Variants in CDKN2AIPNL observed in about 807,000 individuals in gnomAD.
The protein encoded by CDKN2AIPNL is XRN2 binding domain containing 1, also known as CDKN2AIP N-terminal-like protein.
CDKN2AIPNL carries 9 observed loss-of-function variants against 12.9 expected under a neutral mutation model. The ratio of observed to expected loss-of-function variants is 0.70; its 90% CI spans 0.42 to 1.22. The LOEUF is 1.22. Ranked by LOEUF, CDKN2AIPNL falls within the 50% of genes most tolerant of loss-of-function variation. The probability of loss-of-function intolerance (pLI) is 0.00; values close to 1 mark genes in which losing one functional copy is unlikely to be tolerated. For missense variants in CDKN2AIPNL, 143 were observed against 153.6 expected (o/e 0.93, Z 0.37); for synonymous variants, 53 against 61.7 (o/e 0.86, Z 0.66).
At chr5:134,404,455 C>G (rs1759071513) in intron 2 of CDKN2AIPNL, among the ~76,000 whole-genome samples, 1 of 152,130 alleles carries the variant, frequency 6.6e-6, no homozygotes, top group African/African-American at 2.4e-5. Context: ...TCTCGAGTAG[C>G]TGGGACCACA....
intron 2 of CDKN2AIPNL, among the ~76,000 whole-genome samples, chr5:134,405,291 G>A (rs1053664999): frequency 2.7e-5 from 4 of 149,722 alleles, no homozygotes; most frequent in South Asian, 2.1e-4. Flanking sequence ...ATTTTTAGTA[G>A]AGACGGGGTT....
At chr5:134,406,838 C>G (rs1759111993) in intron 2 of CDKN2AIPNL, among the ~76,000 whole-genome samples, 2 of 152,212 alleles carry the variant, frequency 1.3e-5, no homozygotes, top group South Asian at 4.1e-4. Context: ...CCACTGCACT[C>G]CAGCCTGAGC....
At position 134,409,969 on chromosome 5, in the gene CDKN2AIPNL, T is replaced by C; in HGVS notation, c.273A>G (p.Glu91=). The C allele has an allele frequency of 6.2e-7, 1 of 1,613,082 alleles. No individual in the cohort carries two copies. Among genetic ancestry groups the C allele is most frequent in the Non-Finnish European group, 8.5e-7 (1 of 1,179,640 alleles). ...YNKDLLDKVM[E]MADGIEVEDL... ...CTTCCACTTCAATCCCATCGGCCAT[T>C]TCCATCACCTTGTCTAAAAGGTCTT... The change falls in exon 2 of 3, where the codon GAA becomes GAG. Residue 91 remains glutamate (E), a synonymous_variant. Transcript: ENST00000458198.
At chr5:134,411,551 C>G (rs1759190800) in intron 1 of CDKN2AIPNL, 65 bp downstream of exon 1, 1 of 1,412,460 alleles carries the variant, frequency 7.1e-7, no homozygotes, top group South Asian at 1.2e-5. Context: ...AGGGGTGAGC[C>G]CTGGGAGAGG....
At chr5:134,404,059 C>G (rs965933917) in intron 2 of CDKN2AIPNL, among the ~76,000 whole-genome samples, 1 of 152,200 alleles carries the variant, frequency 6.6e-6, no homozygotes, top group African/African-American at 2.4e-5. Flanking sequence ...ATCCCCTAAG[C>G]CATCTCTCAA....
intron 2 of CDKN2AIPNL, among the ~76,000 whole-genome samples, chr5:134,406,431 T>G (rs1203082859): frequency 6.6e-6 from 1 of 152,206 alleles, no homozygotes; most frequent in South Asian, 2.1e-4. Flanking sequence ...CTAATGTTTT[T>G]CAGCATCCTC....
intron 2 of CDKN2AIPNL, among the ~76,000 whole-genome samples, chr5:134,408,681 T>TCTCAAA (rs1434423786): frequency 6.6e-6 from 1 of 151,932 alleles, no homozygotes; most frequent in Non-Finnish European, 1.5e-5. Context: ...GGAGACTCCC[T>TCTCAAA]CTCAAAAACA....
intron 2 of CDKN2AIPNL, among the ~76,000 whole-genome samples, chr5:134,405,799 C>T (rs563932157): frequency 1.6e-4 from 25 of 152,216 alleles, no homozygotes; most frequent in Non-Finnish European, 2.9e-4. Flanking sequence ...ATTAGGTTGA[C>T]AGCTTCTTTC....
rs537507789 is a variant in CDKN2AIPNL, at chr5:134,410,718, C to T, written c.240-716G>A. 4.4e-4 allele frequency: 168 copies of T among 379,804 alleles called. 4 individuals carry two copies. The South Asian group carries it at 6.1e-3, about 14-fold the overall frequency. 23.5% of individuals were successfully genotyped at this position (379,804 alleles called of 1,614,324 possible). ...GGGTGCCTCTGGCATTGCTTCCCTA[C>T]GTACTGTTCTAATAAACCCCAATAT... On this transcript the variant is annotated intron_variant, in intron 1 of 2. Coordinates refer to ENST00000458198, the MANE Select transcript of CDKN2AIPNL (RefSeq NM_080656.3).
At position 134,411,873 on chromosome 5, in the gene CDKN2AIPNL, G is replaced by T. The variant is rs767160679; in HGVS notation, c.-19C>A. The T allele has an allele frequency of 1.0e-5, 16 of 1,548,792 alleles. No homozygotes were observed. The highest frequency in any genetic ancestry group is 1.9e-5 in the Admixed American group (1 of 51,724). ...CGACCATGGTGCCCGCCGCAGCCGA[G>T]GACCGGATAGCCCGCCGCCTTCCCG... On this transcript the variant is annotated 5_prime_UTR_variant, in exon 1 of 3. Transcript: ENST00000458198.
intron 2 of CDKN2AIPNL, among the ~76,000 whole-genome samples, chr5:134,403,711 G>C (rs1759061409): frequency 6.6e-6 from 1 of 152,146 alleles, no homozygotes; most frequent in Non-Finnish European, 1.5e-5. Flanking sequence ...TGCAACCTCT[G>C]CTGCCTGGGT....
At chr5:134,404,419 G>A (rs1029303997) in intron 2 of CDKN2AIPNL, among the ~76,000 whole-genome samples, 1 of 152,098 alleles carries the variant, frequency 6.6e-6, no homozygotes, top group Non-Finnish European at 1.5e-5. Context: ...AACCTCCCAG[G>A]CTCAAGTGAT....
Position 134,403,024 on chromosome 5 carries a change from G to A in CDKN2AIPNL, c.340-98C>T, listed in dbSNP as rs1268883909. ...AATATAGCAGTGATGTAATATTTATGTACTATCCAGACAGTAAGTATACTC... is the reference window on the plus strand; with the variant it reads ...AATATAGCAGTGATGTAATATTTATATACTATCCAGACAGTAAGTATACTC... On this transcript the variant is annotated intron_variant, in intron 2 of 2. Coordinates refer to ENST00000458198, the MANE Select transcript of CDKN2AIPNL (RefSeq NM_080656.3). 8 of 969,008 alleles carry A rather than the reference G, an allele frequency of 8.3e-6. 1 individual carries two copies. In the Middle Eastern group the frequency reaches 6.7e-4, roughly 81 times the overall value. 60.0% of individuals were successfully genotyped at this position (969,008 alleles called of 1,614,324 possible). A position where few individuals can be genotyped will look rare whatever the true frequency, so the allele number is the denominator to read the frequency against.
At chr5:134,403,202 A>G (rs1336100500) in intron 2 of CDKN2AIPNL, among the ~76,000 whole-genome samples, 1 of 152,228 alleles carries the variant, frequency 6.6e-6, no homozygotes, top group Non-Finnish European at 1.5e-5. Context: ...TTAAAATACA[A>G]CTTTTTCTGG....
chr5:134,411,754 T>C lies in CDKN2AIPNL; in HGVS notation c.101A>G (p.Glu34Gly). The change falls in exon 1 of 3, where the codon GAG (glutamate) becomes GGG (glycine). Residue 34 changes from glutamate to glycine, a missense_variant. Physicochemically the swap from Glu to Gly is moderately conservative, Grantham distance 98. Coordinates refer to ENST00000458198, the MANE Select transcript of CDKN2AIPNL (RefSeq NM_080656.3). ...AEQFRSYSES[E>G]KQWKARMEFI... ...TTCCATGCGGGCCTTCCATTGCTTC[T>C]CGCTCTCTGAGTAGGAGCGGAACTG... 1.9e-6 allele frequency: 3 copies of C among 1,612,422 alleles called. No homozygotes were observed. Among genetic ancestry groups the C allele is most frequent in the Non-Finnish European group, 2.5e-6 (3 of 1,179,656 alleles).
chr5:134,411,530 A>T (rs1248686349), intron 1 of CDKN2AIPNL, 86 bp downstream of exon 1: 1 of 1,178,312 alleles, frequency 8.5e-7, no homozygotes, highest in Non-Finnish European at 1.2e-6. Flanking sequence ...TCTGGGGCAG[A>T]GGTTCGGGTC....
intron 2 of CDKN2AIPNL, among the ~76,000 whole-genome samples, chr5:134,403,190 G>T (rs926487288): frequency 6.6e-6 from 1 of 152,206 alleles, no homozygotes. Flanking sequence ...TAATGGAAAT[G>T]CTTAAAATAC....
chr5:134,411,616 C>G lies in CDKN2AIPNL; in HGVS notation c.239G>C (p.Ser80Thr), dbSNP rs1200627980. ...VWANHLFLGC[S>T]YNKDLLDKVM... Reference sequence around the variant, plus strand: ...TCAGCCGGCCGGCAGGGGTCCGCACCTGCAGCCTAGGAAGAGATGGTTGGC... The same window carrying G: ...TCAGCCGGCCGGCAGGGGTCCGCACGTGCAGCCTAGGAAGAGATGGTTGGC... Residue 80 changes from serine (S) to threonine (T), a missense_variant and splice_region_variant, in exon 1 of 3, where the codon AGT (serine) becomes ACT (threonine). This residue lies in a region of CDKN2AIPNL where 111 missense variants were observed against 111.4 expected (regional missense o/e 1.00). Coordinates refer to ENST00000458198, the MANE Select transcript of CDKN2AIPNL (RefSeq NM_080656.3). 6.2e-7 allele frequency: 1 copy of G among 1,611,494 alleles called. No individual in the cohort carries two copies. Among genetic ancestry groups the G allele is most frequent in the Admixed American group, 1.7e-5 (1 of 59,712 alleles).
chr5:134,403,323 A>G (rs1478542023), intron 2 of CDKN2AIPNL, among the ~76,000 whole-genome samples: 2 of 152,354 alleles, frequency 1.3e-5, no homozygotes, highest in African/African-American at 4.8e-5. Flanking sequence ...TTGAGTCAGG[A>G]TATTTAGATG....
Sources: gnomAD v4.1 joint callset for allele counts (sites outside exome capture counted in the v4.1 genomes callset) on GRCh38, gnomAD v4.1.1 for gene constraint, gnomAD v4.1.1 regional missense constraint, MANE v1.5 for transcripts, NCBI Gene and HGNC (gene_info 2026-07-23, HGNC 2026-07-21) for gene names.